The following RFX3 variants were observed in gnomAD, a reference collection of about 807,000 sequenced individuals.
RFX3 encodes regulatory factor X3, also known as transcription factor RFX3.
A neutral mutation model predicts 98.6 loss-of-function variants in RFX3; 14 were observed. That is an observed-to-expected ratio of 0.14 (90% CI 0.09 to 0.22). The LOEUF (loss-of-function observed/expected upper bound fraction) is 0.22. Among genes scored for constraint, RFX3 ranks in the 10% least tolerant of loss-of-function variants. The pLI is 1.00. For synonymous variants in RFX3, 383 were observed against 328.4 expected, an observed-to-expected ratio of 1.17 and a Z score of -1.80; for missense variants, 639 against 926.9, an observed-to-expected ratio of 0.69 and a Z score of 4.03.
chr9:3,457,379 C>T (rs1187415721), intron 1 of RFX3, among the ~76,000 whole-genome samples: 1 of 151,962 alleles, frequency 6.6e-6, no homozygotes, highest in Admixed American at 6.6e-5. Context: ...TAGTTGAGAG[C>T]AAAAAAGTGC....
At chr9:3,418,807 T>C (rs1843199789) in intron 1 of RFX3, among the ~76,000 whole-genome samples, 1 of 152,216 alleles carries the variant, frequency 6.6e-6, no homozygotes, top group South Asian at 2.1e-4. Flanking sequence ...AGACAAATTA[T>C]TCAAGTTATT....
intron 11 of RFX3, among the ~76,000 whole-genome samples, chr9:3,270,113 AGAAAGAAAGAAAG>A (rs1376777089): frequency 4.0e-5 from 6 of 150,374 alleles, no homozygotes; most frequent in South Asian, 2.1e-4. Flanking sequence ...AAAGAAAGAA[AGAAAGAAAGAAAG>A]GAAAGAAAGA....
Position 3,292,061 on chromosome 9 carries a change from C to CAA in RFX3, c.731+1014_731+1015dup, listed in dbSNP as rs58788880. 4.8e-3 allele frequency among the ~76,000 whole-genome samples: 115 copies of CAA among 23,942 alleles called. 32 individuals carry two copies. The highest frequency in any genetic ancestry group is 8.7e-3 in the Admixed American group (10 of 1,154). 15.7% of individuals were successfully genotyped at this position (23,942 alleles called of 152,430 possible). A position where few individuals can be genotyped will look rare whatever the true frequency, so the allele number is the denominator to read the frequency against. Reference sequence around the variant, plus strand: ...ACAGAAACAGAGTGAGACTCCATCTCAAAAAAAAAAAAAAAAAAAAAAAAA... The same window carrying CAA: ...ACAGAAACAGAGTGAGACTCCATCTCAAAAAAAAAAAAAAAAAAAAAAAAAAA... On this transcript the variant is annotated intron_variant, in intron 6 of 16. Transcript: ENST00000617270.
At chr9:3,234,256 G>C (rs1336857132) in intron 15 of RFX3, among the ~76,000 whole-genome samples, 1 of 152,218 alleles carries the variant, frequency 6.6e-6, no homozygotes, top group African/African-American at 2.4e-5. Context: ...TTAGGACTCT[G>C]TCACAGTTAT....
chr9:3,345,688 A>T (rs1834374342), intron 3 of RFX3, among the ~76,000 whole-genome samples: 1 of 152,190 alleles, frequency 6.6e-6, no homozygotes, highest in Non-Finnish European at 1.5e-5. Context: ...TTATAAAACG[A>T]ATACAAAATT....
chr9:3,329,418 A>C (rs961342395), intron 4 of RFX3, among the ~76,000 whole-genome samples: 6 of 149,986 alleles, frequency 4.0e-5, no homozygotes, highest in Non-Finnish European at 7.4e-5. Flanking sequence ...AAAAAAAAAA[A>C]AAAAAAAAAA....
At chr9:3,367,608 G>A (rs1295800845) in intron 2 of RFX3, among the ~76,000 whole-genome samples, 1 of 152,144 alleles carries the variant, frequency 6.6e-6, no homozygotes, top group Non-Finnish European at 1.5e-5. Flanking sequence ...CAAAGGAATT[G>A]TTACCAACAT....
At chr9:3,247,815 T>A in intron 15 of RFX3, 1 of 1,606,584 alleles carries the variant, frequency 6.2e-7, no homozygotes, top group Non-Finnish European at 8.5e-7. Context: ...TCCATGAACT[T>A]TCACATGATA....
intron 1 of RFX3, among the ~76,000 whole-genome samples, chr9:3,462,448 T>C (rs1314756321): frequency 6.6e-6 from 1 of 152,012 alleles, no homozygotes; most frequent in Non-Finnish European, 1.5e-5. Flanking sequence ...TTATACTTAA[T>C]AGGGAAGGAC....
chr9:3,270,745 T>C (rs1225061475), intron 10 of RFX3: 3 of 666,910 alleles, frequency 4.5e-6, no homozygotes, highest in Non-Finnish European at 7.5e-6. Flanking sequence ...TCTGACGGTA[T>C]GAAAGGCAGA....
intron 1 of RFX3, among the ~76,000 whole-genome samples, chr9:3,447,697 C>T (rs1846168441): frequency 6.6e-6 from 1 of 152,064 alleles, no homozygotes; most frequent in African/African-American, 2.4e-5. Flanking sequence ...TTTGTGTCTC[C>T]TGCATGAAGG....
chr9:3,282,352 T>C (rs1226205108), intron 7 of RFX3, among the ~76,000 whole-genome samples: 1 of 151,850 alleles, frequency 6.6e-6, no homozygotes, highest in Non-Finnish European at 1.5e-5. Flanking sequence ...ATTCCATCTC[T>C]TCCATTCTTG....
chr9:3,333,684 G>C (rs553202024), intron 3 of RFX3, among the ~76,000 whole-genome samples: 1 of 152,176 alleles, frequency 6.6e-6, no homozygotes, highest in South Asian at 2.1e-4. Context: ...ATCTAATGTT[G>C]ATATTTAAGT....
At chr9:3,494,591 A>C (rs1288017542) in intron 1 of RFX3, among the ~76,000 whole-genome samples, 1 of 152,194 alleles carries the variant, frequency 6.6e-6, no homozygotes, top group Non-Finnish European at 1.5e-5. Context: ...GTATCTATCT[A>C]TACCCATCTG....
At chr9:3,294,046 A>C (rs1827708092) in intron 5 of RFX3, among the ~76,000 whole-genome samples, 1 of 152,182 alleles carries the variant, frequency 6.6e-6, no homozygotes, top group Admixed American at 6.5e-5. Context: ...TGTACATTAC[A>C]AAAAAATCTT....
intron 2 of RFX3, among the ~76,000 whole-genome samples, chr9:3,383,695 T>C (rs1173258429): frequency 1.3e-5 from 2 of 152,170 alleles, no homozygotes; most frequent in Non-Finnish European, 2.9e-5. Context: ...GTAAGGAAAA[T>C]GAACCATCAG....
At chr9:3,514,258 G>T (rs1817925068) in intron 1 of RFX3, among the ~76,000 whole-genome samples, 1 of 152,008 alleles carries the variant, frequency 6.6e-6, no homozygotes, top group South Asian at 2.1e-4. Flanking sequence ...TCCAAGAGAT[G>T]GATAATGCAA....
intron 1 of RFX3, among the ~76,000 whole-genome samples, chr9:3,515,979 C>T (rs1241900925): frequency 6.6e-6 from 1 of 152,090 alleles, no homozygotes; most frequent in Non-Finnish European, 1.5e-5. Context: ...TGCAAAAATG[C>T]TTCCTCTTTT....
intron 1 of RFX3, among the ~76,000 whole-genome samples, chr9:3,497,113 G>GTT (rs751916049): frequency 2.2e-4 from 33 of 152,066 alleles, no homozygotes; most frequent in Non-Finnish European, 3.5e-4. Context: ...GATCTACAGT[G>GTT]TTTATGCCAT....
Sources: allele counts gnomAD v4.1 joint callset (sites outside exome capture counted in the v4.1 genomes callset), GRCh38; gene constraint gnomAD v4.1.1; transcripts MANE v1.5; gene names NCBI Gene and HGNC (gene_info 2026-07-23, HGNC 2026-07-21).